The following ARID4A variants were observed in gnomAD, a reference collection of about 807,000 sequenced individuals.
ARID4A encodes AT-rich interaction domain 4A.
Under a neutral mutation model 148.6 loss-of-function variants are expected in ARID4A, and 39 were observed. That is an observed-to-expected ratio of 0.26 (90% CI 0.20 to 0.34). The LOEUF is 0.34. Among genes scored for constraint, ARID4A ranks in the 10% least tolerant of loss-of-function variants. The pLI is 1.00. For missense variants in ARID4A, 1,265 were observed against 1,449.1 expected, an observed-to-expected ratio of 0.87 and a Z score of 2.06; for synonymous variants, 475 against 481.2, an observed-to-expected ratio of 0.99 and a Z score of 0.17.
chr14:58,349,749 G>T (rs1249105424), intron 15 of ARID4A, among the ~76,000 whole-genome samples: 3 of 151,874 alleles, frequency 2.0e-5, no homozygotes, highest in Admixed American at 6.6e-5. Context: ...CAGTATTTCT[G>T]GGACAAAGGT....
At chr14:58,332,920 A>G (rs539929405) in intron 11 of ARID4A, among the ~76,000 whole-genome samples, 2 of 152,286 alleles carry the variant, frequency 1.3e-5, no homozygotes, top group South Asian at 2.1e-4. Context: ...GAATCATACA[A>G]GTGTTAGATA....
At chr14:58,358,678 A>C (rs1387655529) in intron 17 of ARID4A, among the ~76,000 whole-genome samples, 4 of 152,168 alleles carry the variant, frequency 2.6e-5, no homozygotes, top group Non-Finnish European at 4.4e-5. Context: ...GAGGAAAAGG[A>C]AGTTGAAATG....
At chr14:58,354,738 C>G (rs1326830222) in intron 17 of ARID4A, among the ~76,000 whole-genome samples, 1 of 151,288 alleles carries the variant, frequency 6.6e-6, no homozygotes. Context: ...TGGATCCTGT[C>G]AGGAAGTTGG....
intron 15 of ARID4A, 137 bp downstream of exon 15, chr14:58,348,015 T>A (rs1174019099): frequency 1.1e-5 from 7 of 611,522 alleles, no homozygotes; most frequent in South Asian, 2.5e-5. Context: ...AGCTAGCTAC[T>A]TTTTTCGAAA....
At chr14:58,366,407 C>A (rs1048708342) in intron 22 of ARID4A, among the ~76,000 whole-genome samples, 177 bp downstream of exon 22, 1 of 152,134 alleles carries the variant, frequency 6.6e-6, no homozygotes, top group African/African-American at 2.4e-5. Flanking sequence ...TGTGTCTTTT[C>A]ATAAAACTGA....
chr14:58,372,368 G>C lies in ARID4A; in HGVS notation c.*379G>C, dbSNP rs964661371. 7.8e-6 allele frequency: 2 copies of C among 255,414 alleles called. No individual in the cohort carries two copies. The highest frequency in any genetic ancestry group is 4.4e-5 in the African/African-American group (2 of 45,512). The allele number at this position is 255,414 out of a possible 1,614,324, so 15.8% of individuals were successfully genotyped here. On this transcript the variant is annotated 3_prime_UTR_variant, in exon 24 of 24. Transcript: ENST00000355431. ...CATCAAAATATTACCCAGCTGAATA[G>C]TTACTGCTGCACTTTCACTAAGATG...
At chr14:58,363,553 G>T (rs2035224245) in intron 19 of ARID4A, among the ~76,000 whole-genome samples, 2 of 152,026 alleles carry the variant, frequency 1.3e-5, no homozygotes, top group Non-Finnish European at 2.9e-5. Context: ...ACAAAAATTA[G>T]CCGGGCGTGG....
At position 58,318,519 on chromosome 14, in the gene ARID4A, CTGT is replaced by C. The variant is rs2140163195; in HGVS notation, c.275-21_275-19del. 1 of 1,609,478 alleles carries C rather than the reference CTGT, an allele frequency of 6.2e-7. No individual in the cohort carries two copies. Among genetic ancestry groups the C allele is most frequent in the Non-Finnish European group, 8.5e-7 (1 of 1,176,072 alleles). Reference sequence around the variant, plus strand: ...TATTTCATTAGTGTGCATAAATTCTCTGTTATCTTTTGCTTATTATAGTGTTTG... The same window carrying C: ...TATTTCATTAGTGTGCATAAATTCTCTATCTTTTGCTTATTATAGTGTTTG... On this transcript the variant is annotated intron_variant, in intron 5 of 23. Transcript: ENST00000355431.
intron 11 of ARID4A, among the ~76,000 whole-genome samples, chr14:58,343,212 T>C (rs1346881216): frequency 1.3e-5 from 2 of 152,242 alleles, no homozygotes; most frequent in Non-Finnish European, 2.9e-5. Context: ...CTAACTACTT[T>C]ATAGTGATTA....
At position 58,324,970 on chromosome 14, in the gene ARID4A, AC is replaced by A. The variant is rs2033133050; in HGVS notation, c.582+1354del. 3.3e-5 allele frequency among the ~76,000 whole-genome samples: 5 copies of A among 152,318 alleles called. No homozygotes were observed. The South Asian group carries it at 6.2e-4, about 19-fold the overall frequency. On this transcript the variant is annotated intron_variant, in intron 8 of 23. Transcript: ENST00000355431. ...AAGATTGTATAGTAAATTAAAAAAAACAATTTGGTACTGAATGGAGTAAGAA... is the reference window on the plus strand; with the variant it reads ...AAGATTGTATAGTAAATTAAAAAAAAAATTTGGTACTGAATGGAGTAAGAA...
chr14:58,366,035 G>C lies in ARID4A; in HGVS notation c.3328G>C (p.Asp1110His). The change falls in exon 22 of 24, where the codon GAT (aspartate) becomes CAT (histidine). Residue 1110 changes from aspartate to histidine, a missense_variant. Around this residue, in one of 9 missense-constraint regions of ARID4A, gnomAD observed 666 missense variants for 730.9 expected, o/e 0.91. Transcript: ENST00000355431. ...NEKNGTGQSS[D>H]SEDLPVLDNS... ...TTTATTATTTATAGGACAAAGCAGTGATAGTGAAGATCTTCCTGTCCTAGA... is the reference window on the plus strand; with the variant it reads ...TTTATTATTTATAGGACAAAGCAGTCATAGTGAAGATCTTCCTGTCCTAGA... The C allele has an allele frequency of 6.2e-7, 1 of 1,611,588 alleles. No homozygotes were observed. Among genetic ancestry groups the C allele is most frequent in the Non-Finnish European group, 8.5e-7 (1 of 1,178,008 alleles).
intron 23 of ARID4A, among the ~76,000 whole-genome samples, chr14:58,369,463 T>TA (rs1301900222): frequency 4.6e-5 from 7 of 151,734 alleles, no homozygotes; most frequent in Admixed American, 2.0e-4. Context: ...CTGTCTCTAC[T>TA]AAAACTACAA....
At chr14:58,304,886 C>T in intron 3 of ARID4A, 58 bp from the exon 4 acceptor site, 2 of 1,361,308 alleles carry the variant, frequency 1.5e-6, no homozygotes, top group Non-Finnish European at 2.1e-6. Flanking sequence ...TATAGTGTTA[C>T]TATAAATGTA....
intron 11 of ARID4A, among the ~76,000 whole-genome samples, chr14:58,344,452 G>A (rs181833890): frequency 6.9e-4 from 105 of 152,204 alleles, no homozygotes; most frequent in Non-Finnish European, 1.3e-3. Flanking sequence ...TTTCCTCTTG[G>A]CTAATCTTAG....
In ARID4A at chr14:58,359,162, A is replaced by G; in HGVS notation, c.1884A>G (p.Ile628Met). Reference sequence around the variant, plus strand: ...ATGAGTGGGTGAAGGCTGACAGGATAATCTGGCCTTTGGACAAAGGTGGAC... The same window carrying G: ...ATGAGTGGGTGAAGGCTGACAGGATGATCTGGCCTTTGGACAAAGGTGGAC... ...RYDEWVKADR[I>M]IWPLDKGGPK... is the part of the protein sequence containing the mutation. Residue 628 changes from isoleucine to methionine, a missense_variant, in exon 18 of 24, where the codon ATA (isoleucine) becomes ATG (methionine). Transcript: ENST00000355431. 6.3e-7 allele frequency: 1 copy of G among 1,594,114 alleles called. No homozygotes were observed. Among genetic ancestry groups the G allele is most frequent in the Non-Finnish European group, 8.5e-7 (1 of 1,175,334 alleles).
chr14:58,322,014 A>G (rs1410999070), intron 7 of ARID4A, among the ~76,000 whole-genome samples: 3 of 151,780 alleles, frequency 2.0e-5, no homozygotes, highest in African/African-American at 7.3e-5. Context: ...TCTGTCACCC[A>G]GACTGTAGTG....
At chr14:58,311,960 G>A (rs370884268) in intron 5 of ARID4A, among the ~76,000 whole-genome samples, 94 of 152,216 alleles carry the variant, frequency 6.2e-4, no homozygotes, top group African/African-American at 2.1e-3. Context: ...TTAGGTAAAT[G>A]TCGGTTAAAT....
At chr14:58,365,697 A>T (rs1238356609) in intron 21 of ARID4A, 75 bp downstream of exon 21, 1 of 1,244,020 alleles carries the variant, frequency 8.0e-7, no homozygotes, top group East Asian at 2.5e-5. Flanking sequence ...TTAAACATAA[A>T]TGGAGCAATA....
intron 4 of ARID4A, 125 bp downstream of exon 4, chr14:58,305,134 G>A (rs1025485055): frequency 2.7e-6 from 2 of 729,770 alleles, no homozygotes; most frequent in Non-Finnish European, 2.2e-6. Flanking sequence ...TACATATGAA[G>A]GGTTTAAATA....
Sources: gnomAD v4.1 joint callset for allele counts (sites outside exome capture counted in the v4.1 genomes callset) on GRCh38, gnomAD v4.1.1 for gene constraint, gnomAD v4.1.1 regional missense constraint, MANE v1.5 for transcripts, NCBI Gene and HGNC (gene_info 2026-07-23, HGNC 2026-07-21) for gene names.